Variants in SEH1L observed in about 807,000 individuals in gnomAD.
SEH1L encodes nucleoporin SEH1.
Under a neutral mutation model 49.5 loss-of-function variants are expected in SEH1L, and 18 were observed. The observed-to-expected ratio is 0.36, with a 90% CI of 0.25 to 0.54. The LOEUF is 0.54. Among genes scored for constraint, SEH1L ranks in the 20% least tolerant of loss-of-function variants. The pLI is 0.87. For synonymous variants in SEH1L, 169 were observed against 178.1 expected (o/e 0.95, Z 0.41); for missense variants, 404 against 528.8 (o/e 0.76, Z 2.31).
chr18:12,956,258 ATG>A (rs1399769375), intron 3 of SEH1L, among the ~76,000 whole-genome samples: 1 of 151,884 alleles, frequency 6.6e-6, no homozygotes, highest in Non-Finnish European at 1.5e-5. Context: ...GCTAGCCAGG[ATG>A]GTCTCGATCT....
chr18:12,979,473 T>C (rs1313287265), intron 6 of SEH1L, among the ~76,000 whole-genome samples: 122 of 151,814 alleles, frequency 8.0e-4, no homozygotes, highest in African/African-American at 2.9e-3. Context: ...TACTTCTTTC[T>C]ACACAGACAC....
At chr18:12,970,609 G>A (rs937925363) in intron 4 of SEH1L, among the ~76,000 whole-genome samples, 1 of 151,768 alleles carries the variant, frequency 6.6e-6, no homozygotes, top group African/African-American at 2.4e-5. Flanking sequence ...TTTTTTTGTA[G>A]AGATAGAGTC....
chr18:12,967,397 T>C lies in SEH1L; in HGVS notation c.522-3756T>C, dbSNP rs1598959468. Among the ~76,000 whole-genome samples the C allele has an allele frequency of 2.6e-5, 4 of 152,292 alleles. No homozygotes were observed. In the East Asian group the frequency reaches 5.8e-4, roughly 22 times the overall value. On this transcript the variant is annotated intron_variant, in intron 4 of 8. Transcript: ENST00000399892. ...AGGCACATCCCAGCCTTCCTATGTT[T>C]AGGAACACCAGACAGCACTTCAGCA...
At chr18:12,985,626 T>C (rs1475554835) in intron 8 of SEH1L, 9 of 1,006,696 alleles carry the variant, frequency 8.9e-6, no homozygotes, top group Non-Finnish European at 3.6e-6. Context: ...ATTTGGAAAA[T>C]ATAGACATAT....
Position 12,961,300 on chromosome 18 carries a change from A to G in SEH1L, c.310-1860A>G, listed in dbSNP as rs1264578451. Among the ~76,000 whole-genome samples, 4 of 152,158 alleles carry G rather than the reference A, an allele frequency of 2.6e-5. No homozygotes were observed. The South Asian group carries it at 8.3e-4, about 32-fold the overall frequency. The stretch of plus-strand genomic sequence containing the variant: ...TCCAACTCCTCAGATCTTATCAGGA[A>G]GCTGCTGATCACCAGTTTCAGGTGT... On this transcript the variant is annotated intron_variant, in intron 3 of 8. Coordinates refer to ENST00000399892, the MANE Select transcript of SEH1L (RefSeq NM_001013437.2).
intron 6 of SEH1L, among the ~76,000 whole-genome samples, chr18:12,979,884 C>A (rs1309384805): frequency 1.0e-4 from 14 of 137,258 alleles, no homozygotes; most frequent in African/African-American, 2.2e-4. Context: ...CTGACCCCCC[C>A]ACCTCCTTCG....
At chr18:12,958,864 C>G (rs1019880767) in intron 3 of SEH1L, among the ~76,000 whole-genome samples, 1 of 152,114 alleles carries the variant, frequency 6.6e-6, no homozygotes, top group African/African-American at 2.4e-5. Context: ...GGAAATATAC[C>G]TAGGAGTAGA....
At chr18:12,982,452 T>G (rs907201152) in intron 6 of SEH1L, 66 bp from the exon 7 acceptor site, 10 of 1,091,956 alleles carry the variant, frequency 9.2e-6, no homozygotes, top group Non-Finnish European at 1.3e-5. Context: ...TATATATATG[T>G]GTGTGTATAT....
At chr18:12,962,378 A>G (rs1273483019) in intron 3 of SEH1L, among the ~76,000 whole-genome samples, 3 of 139,704 alleles carry the variant, frequency 2.1e-5, no homozygotes, top group Non-Finnish European at 3.1e-5. Flanking sequence ...TGTCCCTAAG[A>G]AAAAAAAAAA....
intron 2 of SEH1L, among the ~76,000 whole-genome samples, chr18:12,954,104 C>T (rs923693497): frequency 1.3e-5 from 2 of 151,952 alleles, no homozygotes; most frequent in Non-Finnish European, 2.9e-5. Context: ...CAAAATGTAC[C>T]TTTAGTTGGT....
At chr18:12,956,815 C>T (rs1443580169) in intron 3 of SEH1L, among the ~76,000 whole-genome samples, 1 of 151,586 alleles carries the variant, frequency 6.6e-6, no homozygotes, top group African/African-American at 2.4e-5. Flanking sequence ...TCTGTAAGTC[C>T]ACCATTTTAC....
intron 4 of SEH1L, among the ~76,000 whole-genome samples, chr18:12,970,909 A>G (rs1445158504): frequency 6.6e-6 from 1 of 152,216 alleles, no homozygotes; most frequent in Non-Finnish European, 1.5e-5. Flanking sequence ...GCTCCTTTCT[A>G]TCTGAGCCAT....
At chr18:12,955,710 C>T (rs1598943975) in intron 3 of SEH1L, 101 bp downstream of exon 3, 2 of 1,188,880 alleles carry the variant, frequency 1.7e-6, no homozygotes, top group Non-Finnish European at 2.4e-6. Context: ...ATCACCACTC[C>T]CCTCTAGTTT....
chr18:12,952,274 C>T (rs1210935728), intron 2 of SEH1L, among the ~76,000 whole-genome samples: 3 of 150,342 alleles, frequency 2.0e-5, no homozygotes, highest in African/African-American at 7.3e-5. Flanking sequence ...GCTCTCTTGC[C>T]CAGGTGGGAG....
chr18:12,959,877 A>G (rs1437650005), intron 3 of SEH1L, among the ~76,000 whole-genome samples: 2 of 152,212 alleles, frequency 1.3e-5, no homozygotes, highest in Non-Finnish European at 2.9e-5. Context: ...TGTGGAGCTG[A>G]GAGCAAACAC....
At chr18:12,962,459 CTTTTTTTTTTTT>C (rs3070220) in intron 3 of SEH1L, among the ~76,000 whole-genome samples, 1 of 63,654 alleles carries the variant, frequency 1.6e-5, no homozygotes, top group Non-Finnish European at 2.8e-5. Flanking sequence ...GCATGCCTTT[CTTTTTTTTTTTT>C]TTTTTTTTTT....
intron 8 of SEH1L, chr18:12,985,873 C>T: frequency 1.0e-6 from 1 of 967,210 alleles, no homozygotes. Flanking sequence ...CTTGACTGTA[C>T]AGTTTGTAGC....
chr18:12,957,843 A>C (rs1422807971), intron 3 of SEH1L, among the ~76,000 whole-genome samples: 1 of 152,062 alleles, frequency 6.6e-6, no homozygotes, highest in African/African-American at 2.4e-5. Context: ...TAGCCCCACA[A>C]GTAGCTGGGA....
intron 1 of SEH1L, among the ~76,000 whole-genome samples, chr18:12,949,136 G>A (rs2030331423): frequency 6.6e-6 from 1 of 151,800 alleles, no homozygotes; most frequent in Admixed American, 6.6e-5. Flanking sequence ...CAAAGTGCTG[G>A]GATTACAGGC....
Sources: gnomAD v4.1 joint callset for allele counts (sites outside exome capture counted in the v4.1 genomes callset) on GRCh38, gnomAD v4.1.1 for gene constraint, MANE v1.5 for transcripts, NCBI Gene and HGNC (gene_info 2026-07-23, HGNC 2026-07-21) for gene names.